The following AGBL1 variants were observed in gnomAD, a reference collection of about 807,000 sequenced individuals.
The protein encoded by AGBL1 is AGBL carboxypeptidase 1.
Under a neutral mutation model 118.9 loss-of-function variants are expected in AGBL1, and 130 were observed. The ratio of observed to expected loss-of-function variants is 1.09; its 90% CI spans 0.95 to 1.26. The LOEUF is 1.26. AGBL1 is among the 50% of genes most tolerant of loss of function. AGBL1 has a pLI of 0.00. For missense variants in AGBL1, 1,584 were observed against 1,298.1 expected (o/e 1.22, Z -3.38); for synonymous variants, 555 against 478.9 (o/e 1.16, Z -2.08).
At chr15:86,784,596 G>T (rs16977982) in intron 22 of AGBL1, among the ~76,000 whole-genome samples, 12,128 of 152,118 alleles carry the variant, frequency 0.08, 526 homozygotes, top group South Asian at 0.13. Context: ...CTGCTGTACT[G>T]GGCTTTGATT....
chr15:86,469,131 A>ACATT (rs2142098795), intron 18 of AGBL1, among the ~76,000 whole-genome samples: 1 of 152,256 alleles, frequency 6.6e-6, no homozygotes, highest in South Asian at 2.1e-4. Context: ...AGTATAAAAT[A>ACATT]CATTATTATT....
chr15:86,424,363 C>A (rs1000201738), intron 18 of AGBL1, among the ~76,000 whole-genome samples: 2 of 152,184 alleles, frequency 1.3e-5, no homozygotes, highest in African/African-American at 4.8e-5. Flanking sequence ...GGACCTCTTC[C>A]TTACACCTTA....
chr15:86,979,707 G>A (rs2141719250), intron 23 of AGBL1, among the ~76,000 whole-genome samples: 1 of 152,242 alleles, frequency 6.6e-6, no homozygotes, highest in African/African-American at 2.4e-5. Flanking sequence ...GTTTCACCGT[G>A]TTAGCCAGGA....
At chr15:86,514,067 T>A (rs1416919280) in intron 18 of AGBL1, among the ~76,000 whole-genome samples, 1 of 151,968 alleles carries the variant, frequency 6.6e-6, no homozygotes, top group Non-Finnish European at 1.5e-5. Context: ...ATATGTTTCT[T>A]GCTTGTTAGT....
intron 6 of AGBL1, among the ~76,000 whole-genome samples, chr15:86,239,208 G>A (rs1263448770): frequency 1.3e-5 from 2 of 152,070 alleles, no homozygotes; most frequent in Non-Finnish European, 2.9e-5. Context: ...CTGGAGCTTC[G>A]GAAAAGCATC....
At chr15:86,988,942 A>G (rs752344137) in intron 24 of AGBL1, among the ~76,000 whole-genome samples, 126 of 149,554 alleles carry the variant, frequency 8.4e-4, no homozygotes, top group Non-Finnish European at 1.6e-3. Context: ...TAAAATATTG[A>G]GTGAAAATGA....
intron 18 of AGBL1, among the ~76,000 whole-genome samples, chr15:86,513,559 G>T (rs2083078073): frequency 6.6e-6 from 1 of 151,990 alleles, no homozygotes; most frequent in African/African-American, 2.4e-5. Flanking sequence ...ACTCTGATGT[G>T]AATCTTCTGT....
chr15:86,435,364 A>G (rs906255447), intron 18 of AGBL1, among the ~76,000 whole-genome samples: 2 of 152,186 alleles, frequency 1.3e-5, no homozygotes, highest in Non-Finnish European at 2.9e-5. Flanking sequence ...TCCACTAAGT[A>G]TTGTGAGGAT....
chr15:86,726,039 G>C (rs553592729), intron 22 of AGBL1, among the ~76,000 whole-genome samples: 1 of 152,198 alleles, frequency 6.6e-6, no homozygotes, highest in Non-Finnish European at 1.5e-5. Context: ...CCAATGAACA[G>C]ATAAATGTGA....
At chr15:86,174,420 C>T (rs900366240) in intron 5 of AGBL1, among the ~76,000 whole-genome samples, 1 of 151,984 alleles carries the variant, frequency 6.6e-6, no homozygotes, top group Admixed American at 6.6e-5. Context: ...TTCTGTTTTC[C>T]AATTTAAGTG....
intron 24 of AGBL1, among the ~76,000 whole-genome samples, chr15:87,020,569 T>C (rs2262692): frequency 0.46 from 69,724 of 151,606 alleles, 18,502 homozygotes; most frequent in African/African-American, 0.73. Flanking sequence ...ATTATTTTTG[T>C]GGATATCATG....
intron 22 of AGBL1, among the ~76,000 whole-genome samples, chr15:86,758,346 T>C (rs989800196): frequency 6.6e-6 from 1 of 152,136 alleles, no homozygotes; most frequent in Admixed American, 6.6e-5. Context: ...TCTTAATTGA[T>C]GGTGACTTCC....
chr15:86,595,004 T>G (rs770002858), intron 21 of AGBL1, among the ~76,000 whole-genome samples: 2 of 152,218 alleles, frequency 1.3e-5, no homozygotes, highest in Non-Finnish European at 2.9e-5. Flanking sequence ...TTGGTCACTT[T>G]CTTCTTTCCT....
At chr15:86,578,498 G>C (rs1222818471) in intron 21 of AGBL1, among the ~76,000 whole-genome samples, 1 of 152,188 alleles carries the variant, frequency 6.6e-6, no homozygotes, top group Non-Finnish European at 1.5e-5. Context: ...GACTTTGGGG[G>C]ACTGTTAGGA....
At chr15:86,300,480 A>G (rs537242780) in intron 17 of AGBL1, among the ~76,000 whole-genome samples, 132 of 152,306 alleles carry the variant, frequency 8.7e-4, no homozygotes, top group Non-Finnish European at 1.7e-3. Context: ...TCATTCTCCT[A>G]TTAGAAACCC....
At chr15:86,453,041 T>C (rs919651096) in intron 18 of AGBL1, among the ~76,000 whole-genome samples, 4 of 152,224 alleles carry the variant, frequency 2.6e-5, no homozygotes, top group African/African-American at 9.6e-5. Context: ...TAGCCTTATG[T>C]TACACGATAT....
chr15:86,182,033 G>A (rs543885774), intron 5 of AGBL1, among the ~76,000 whole-genome samples: 1 of 151,948 alleles, frequency 6.6e-6, no homozygotes, highest in Non-Finnish European at 1.5e-5. Context: ...GTTGGGGATG[G>A]AAAGGAAGTG....
At chr15:86,321,643 G>A (rs2080107083) in intron 17 of AGBL1, among the ~76,000 whole-genome samples, 2 of 151,928 alleles carry the variant, frequency 1.3e-5, no homozygotes, top group Non-Finnish European at 2.9e-5. Context: ...TGAGCATGGT[G>A]GCGGATGCCT....
At chr15:86,433,435 C>T (rs961007650) in intron 18 of AGBL1, among the ~76,000 whole-genome samples, 3 of 151,970 alleles carry the variant, frequency 2.0e-5, no homozygotes, top group Non-Finnish European at 2.9e-5. Flanking sequence ...CTGGAAATTA[C>T]GTTGGCATTT....
Sources: gnomAD v4.1 joint callset for allele counts (sites outside exome capture counted in the v4.1 genomes callset) on GRCh38, gnomAD v4.1.1 for gene constraint, MANE v1.5 for transcripts, NCBI Gene and HGNC (gene_info 2026-07-23, HGNC 2026-07-21) for gene names.